The following PGK2 variants were observed in gnomAD, a reference collection of about 807,000 sequenced individuals.
PGK2 encodes phosphoglycerate kinase 2, also known as epididymis secretory protein Li 272.
A neutral mutation model predicts 5.2 loss-of-function variants in PGK2; 5 were observed. The observed-to-expected ratio is 0.96, with a 90% confidence interval of 0.50 to 2.01. The LOEUF is 2.01. Among genes scored for constraint, PGK2 ranks in the 30% most tolerant of loss-of-function variants. The pLI is 0.01. For missense variants in PGK2, 588 were observed against 506.8 expected (o/e 1.16, Z -1.54); for synonymous variants, 210 against 182.6 (o/e 1.15, Z -1.21).
At position 49,786,870 on chromosome 6, in the gene PGK2, T is replaced by C; in HGVS notation, c.318A>G (p.Lys106=). 1.2e-6 allele frequency: 2 copies of C among 1,614,106 alleles called. No homozygotes were observed. Among genetic ancestry groups the C allele is most frequent in the Non-Finnish European group, 1.7e-6 (2 of 1,179,998 alleles). The change falls in exon 1 of 1, where the codon AAA becomes AAG. Residue 106 remains lysine (K), a synonymous_variant. Transcript: ENST00000304801. The part of the protein sequence containing the change: ...LKDCVGAEVE[K]ACANPAPGSV... ...AACCAGGAGCTGGGTTGGCACAGGC[T>C]TTCTCCACTTCTGCGCCTACACAGT...
rs1292572147 is a variant in PGK2, at chr6:49,786,356, C to T, written c.832G>A (p.Val278Ile). ...DIMAKAQKNG[V>I]RITFPVDFVT... ...AAATCAACAGGAAAAGTAATCCTTA[C>T]ACCATTCTTTTGTGCTTTGGCCATG... The change falls in exon 1 of 1, where the codon GTA (valine) becomes ATA (isoleucine). Residue 278 changes from valine to isoleucine, a missense_variant. Val to Ile is a conservative substitution (Grantham distance 29). Transcript: ENST00000304801. 2 of 1,614,154 alleles carry T rather than the reference C, an allele frequency of 1.2e-6. No individual in the cohort carries two copies. Among genetic ancestry groups the T allele is most frequent in the Non-Finnish European group, 1.7e-6 (2 of 1,180,014 alleles).
chr6:49,786,356 C>A lies in PGK2; in HGVS notation c.832G>T (p.Val278Leu). 6.2e-7 allele frequency: 1 copy of A among 1,614,154 alleles called. No homozygotes were observed. The highest frequency in any genetic ancestry group is 1.6e-4 in the Middle Eastern group (1 of 6,062). ...AAATCAACAGGAAAAGTAATCCTTA[C>A]ACCATTCTTTTGTGCTTTGGCCATG... ...DIMAKAQKNG[V>L]RITFPVDFVT... Residue 278 changes from valine (V) to leucine (L), a missense_variant, in exon 1 of 1, where the codon GTA becomes TTA. By Grantham distance (32) the Val-to-Leu change is conservative. Coordinates refer to ENST00000304801, the MANE Select transcript of PGK2 (RefSeq NM_138733.5).
rs2127460128 is a variant in PGK2 at position 49,787,199 on chromosome 6, A to G, written c.-12T>C. ...TTAGAAAGAGACATCTTGACAATAT[A>G]AAGACATAGGCTGACACCTGGATCT... On this transcript the variant is annotated 5_prime_UTR_variant, in exon 1 of 1. Coordinates refer to ENST00000304801, the MANE Select transcript of PGK2 (RefSeq NM_138733.5). 1 of 1,601,284 alleles carries G rather than the reference A, an allele frequency of 6.2e-7. No individual in the cohort carries two copies. Among genetic ancestry groups the G allele is most frequent in the South Asian group, 1.1e-5 (1 of 89,298 alleles).
Position 49,786,449 on chromosome 6 carries a change from C to G in PGK2, c.739G>C (p.Val247Leu), listed in dbSNP as rs1376227054. 1.2e-6 allele frequency: 2 copies of G among 1,614,126 alleles called. No individual in the cohort carries two copies. Among genetic ancestry groups the G allele is most frequent in the Non-Finnish European group, 1.7e-6 (2 of 1,180,014 alleles). ...GGGMAYTFLK[V>L]LNNMEIGASL... is the part of the protein sequence containing the mutation. ...GCACCAATCTCCATGTTGTTGAGTA[C>G]CTTAAGGAAGGTATAAGCCATTCCA... Residue 247 changes from valine (V) to leucine (L), a missense_variant, in exon 1 of 1, where the codon GTA becomes CTA. Transcript: ENST00000304801.
chr6:49,786,104 C>A lies in PGK2; in HGVS notation c.1084G>T (p.Ala362Ser), dbSNP rs1305547016. The stretch of plus-strand genomic sequence containing the variant: ...ACAGTGATGCAGCCCTTGGAAGTGG[C>A]TTTCACAATTTCATCCATGAGGGCT... Reference protein sequence around the residue: ...TKALMDEIVKATSKGCITVIG... With the variant: ...TKALMDEIVKSTSKGCITVIG... Residue 362 changes from alanine (A) to serine (S), a missense_variant, in exon 1 of 1, where the codon GCC (alanine) becomes TCC (serine). Transcript: ENST00000304801. 1.2e-6 allele frequency: 2 copies of A among 1,613,970 alleles called. No homozygotes were observed. The highest frequency in any genetic ancestry group is 1.7e-6 in the Non-Finnish European group (2 of 1,180,006).
chr6:49,787,166 T>A lies in PGK2; in HGVS notation c.22A>T (p.Thr8Ser). Residue 8 changes from threonine to serine, a missense_variant, in exon 1 of 1, where the codon ACT becomes TCT. Physicochemically the swap from Thr to Ser is moderately conservative, Grantham distance 58. Coordinates refer to ENST00000304801, the MANE Select transcript of PGK2 (RefSeq NM_138733.5). MSLSKKL[T>S]LDKLDVRGKR... ...CCTCTAACATCCAGTTTGTCTAAAGTCAACTTCTTAGAAAGAGACATCTTG... is the reference window on the plus strand; with the variant it reads ...CCTCTAACATCCAGTTTGTCTAAAGACAACTTCTTAGAAAGAGACATCTTG... 1.9e-6 allele frequency: 3 copies of A among 1,612,948 alleles called. No individual in the cohort carries two copies. Among genetic ancestry groups the A allele is most frequent in the Non-Finnish European group, 2.5e-6 (3 of 1,179,174 alleles).
In PGK2 at chr6:49,787,276, T is replaced by C. The variant is rs376801041; in HGVS notation, c.-89A>G. The C allele has an allele frequency of 4.0e-5, 36 of 907,092 alleles. No individual in the cohort carries two copies. In the South Asian group the frequency reaches 5.4e-4, roughly 14 times the overall value. 56.2% of individuals were successfully genotyped at this position (907,092 alleles called of 1,614,324 possible). On this transcript the variant is annotated 5_prime_UTR_variant, in exon 1 of 1. Coordinates refer to ENST00000304801, the MANE Select transcript of PGK2 (RefSeq NM_138733.5). ...GAGGGGCTGGGTCGGTGGTGACTTC[T>C]AACGCCTTTGCCCTTGTCCCGCCCC...
At position 49,786,806 on chromosome 6, in the gene PGK2, C is replaced by G. The variant is rs200263127; in HGVS notation, c.382G>C (p.Glu128Gln). 4.3e-6 allele frequency: 7 copies of G among 1,614,026 alleles called. No homozygotes were observed. The highest frequency in any genetic ancestry group is 5.9e-6 in the Non-Finnish European group (7 of 1,180,020). Residue 128 changes from glutamate to glutamine, a missense_variant, in exon 1 of 1, where the codon GAA (glutamate) becomes CAA (glutamine). Coordinates refer to ENST00000304801, the MANE Select transcript of PGK2 (RefSeq NM_138733.5). ...LLENLRFHVE[E>Q]EGKGQDPSGK... ...GAGGGATCTTGGCCCTTCCCTTCTT[C>G]CTCCACATGAAAGCGCAGGTTCTCC... is the stretch of plus-strand genomic sequence containing the variant.
chr6:49,786,125 G>C lies in PGK2; in HGVS notation c.1063C>G (p.Leu355Val). The change falls in exon 1 of 1, where the codon CTC (leucine) becomes GTC (valine). Residue 355 changes from leucine to valine, a missense_variant. By Grantham distance (32) the Leu-to-Val change is conservative. Transcript: ENST00000304801. ...GTGGCTTTCACAATTTCATCCATGA[G>C]GGCTTTGGTTCCCTTAGCAAAGGCA... ...WDAFAKGTKA[L>V]MDEIVKATSK... The C allele has an allele frequency of 6.2e-7, 1 of 1,614,068 alleles. No homozygotes were observed. Among genetic ancestry groups the C allele is most frequent in the Non-Finnish European group, 8.5e-7 (1 of 1,180,000 alleles).
In PGK2 at chr6:49,786,901, A is replaced by G; in HGVS notation, c.287T>C (p.Leu96Pro). The change falls in exon 1 of 1, where the codon CTG becomes CCG. Residue 96 changes from leucine (L) to proline (P), a missense_variant. By Grantham distance (98) the Leu-to-Pro change is moderately conservative. Transcript: ENST00000304801. ...CACTTCTGCGCCTACACAGTCCTTCAGGAACAGAACATCCTTGCCCAGCAA... is the reference window on the plus strand; with the variant it reads ...CACTTCTGCGCCTACACAGTCCTTCGGGAACAGAACATCCTTGCCCAGCAA... ...KSLLGKDVLF[L>P]KDCVGAEVEK... 1 of 1,614,138 alleles carries G rather than the reference A, an allele frequency of 6.2e-7. No homozygotes were observed. The highest frequency in any genetic ancestry group is 8.5e-7 in the Non-Finnish European group (1 of 1,180,010).
rs775075367 is a variant in PGK2, at chr6:49,787,075, T to C, written c.113A>G (p.Gln38Arg). The C allele has an allele frequency of 6.2e-7, 1 of 1,614,008 alleles. No homozygotes were observed. Among genetic ancestry groups the C allele is most frequent in the Non-Finnish European group, 8.5e-7 (1 of 1,180,010 alleles). ...GCTTGGGATGGAAGCCTTGATCCTCTGGTTGTTTGTAATCTGGTTCTTCTT... is the reference window on the plus strand; with the variant it reads ...GCTTGGGATGGAAGCCTTGATCCTCCGGTTGTTTGTAATCTGGTTCTTCTT... ...PMKKNQITNN[Q>R]RIKASIPSIK... The change falls in exon 1 of 1, where the codon CAG (glutamine) becomes CGG (arginine). Residue 38 changes from glutamine (Q) to arginine (R), a missense_variant. By Grantham distance (43) the Gln-to-Arg change is conservative (BLOSUM62 1). Transcript: ENST00000304801.
At position 49,786,469 on chromosome 6, in the gene PGK2, AT is replaced by A; in HGVS notation, c.718del (p.Met240TrpfsTer39). 1 of 1,614,174 alleles carries A rather than the reference AT, an allele frequency of 6.2e-7. No individual in the cohort carries two copies. ...KVNEMIIGGG[M>X]AYTFLKVLNN... Reference sequence around the variant, plus strand: ...GAGTACCTTAAGGAAGGTATAAGCCATTCCACCACCAATAATCATCTCATTG... The same window carrying A: ...GAGTACCTTAAGGAAGGTATAAGCCATCCACCACCAATAATCATCTCATTG... On this transcript the variant is annotated frameshift_variant, in exon 1 of 1. Coordinates refer to ENST00000304801, the MANE Select transcript of PGK2 (RefSeq NM_138733.5). LOFTEE classifies it low-confidence loss of function (END_TRUNC).
Position 49,785,922 on chromosome 6 carries a change from A to ACAC in PGK2, c.*9_*11dup. On this transcript the variant is annotated 3_prime_UTR_variant, in exon 1 of 1. Transcript: ENST00000304801. Reference sequence around the variant, plus strand: ...CATGGACAGAAAACAGAAGGAAGTAACACTATATTAACTACATGTTGCTGA... The same window carrying ACAC: ...CATGGACAGAAAACAGAAGGAAGTAACACCACTATATTAACTACATGTTGCTGA... The ACAC allele has an allele frequency of 3.7e-6, 6 of 1,608,462 alleles. No individual in the cohort carries two copies. Among genetic ancestry groups the ACAC allele is most frequent in the Non-Finnish European group, 5.1e-6 (6 of 1,175,760 alleles).
Position 49,786,172 on chromosome 6 carries a change from G to T in PGK2, c.1016C>A (p.Pro339Gln). ...GGCATCCCATTCAAATACTCCTAAC[G>T]GCCCATTCCAAACAATTAGCCTTGC... ...AQARLIVWNG[P>Q]LGVFEWDAFA... is the part of the protein sequence containing the mutation. The change falls in exon 1 of 1, where the codon CCG becomes CAG. Residue 339 changes from proline (P) to glutamine (Q), a missense_variant. Coordinates refer to ENST00000304801, the MANE Select transcript of PGK2 (RefSeq NM_138733.5). The T allele has an allele frequency of 6.2e-7, 1 of 1,613,980 alleles. No homozygotes were observed. The highest frequency in any genetic ancestry group is 1.1e-5 in the South Asian group (1 of 91,076).
At position 49,786,675 on chromosome 6, in the gene PGK2, G is replaced by A. The variant is rs147140024; in HGVS notation, c.513C>T (p.Arg171=). Reference sequence around the variant, plus strand: ...TCACTCCCACCATGGAACTATGAGCGCGGTGTGCAGTGCCAAAAGCATCAT... The same window carrying A: ...TCACTCCCACCATGGAACTATGAGCACGGTGTGCAGTGCCAAAAGCATCAT... ...YVNDAFGTAH[R]AHSSMVGVNL... The change falls in exon 1 of 1, where the codon CGC becomes CGT. Residue 171 remains arginine, a synonymous_variant. Transcript: ENST00000304801. 3.3e-5 allele frequency: 53 copies of A among 1,613,976 alleles called. No individual in the cohort carries two copies. Among genetic ancestry groups the A allele is most frequent in the East Asian group, 6.7e-5 (3 of 44,876 alleles).
In PGK2 at chr6:49,786,097, G is replaced by C. The variant is rs750122364; in HGVS notation, c.1091C>G (p.Ser364Cys). The change falls in exon 1 of 1, where the codon TCC becomes TGC. Residue 364 changes from serine to cysteine, a missense_variant. By Grantham distance (112) the Ser-to-Cys change is moderately radical. Coordinates refer to ENST00000304801, the MANE Select transcript of PGK2 (RefSeq NM_138733.5). ...ALMDEIVKAT[S>C]KGCITVIGGG... is the part of the protein sequence containing the mutation. ...CCCTATAACAGTGATGCAGCCCTTG[G>C]AAGTGGCTTTCACAATTTCATCCAT... 3 of 1,614,100 alleles carry C rather than the reference G, an allele frequency of 1.9e-6. No homozygotes were observed. The South Asian group carries it at 3.3e-5, about 18-fold the overall frequency.
chr6:49,786,778 C>G lies in PGK2; in HGVS notation c.410G>C (p.Gly137Ala), dbSNP rs772350179. Reference protein sequence around the residue: ...EEEGKGQDPSGKKIKAEPDKI... With the variant: ...EEEGKGQDPSAKKIKAEPDKI... Reference sequence around the variant, plus strand: ...ATCTGGCTCAGCTTTAATCTTCTTTCCAGAGGGATCTTGGCCCTTCCCTTC... The same window carrying G: ...ATCTGGCTCAGCTTTAATCTTCTTTGCAGAGGGATCTTGGCCCTTCCCTTC... The change falls in exon 1 of 1, where the codon GGA becomes GCA. Residue 137 changes from glycine (G) to alanine (A), a missense_variant. Gly to Ala is a moderately conservative substitution (Grantham distance 60). Coordinates refer to ENST00000304801, the MANE Select transcript of PGK2 (RefSeq NM_138733.5). 9 of 1,613,956 alleles carry G rather than the reference C, an allele frequency of 5.6e-6. No individual in the cohort carries two copies. The highest frequency in any genetic ancestry group is 7.6e-6 in the Non-Finnish European group (9 of 1,180,026).
In PGK2 at chr6:49,786,771, C is replaced by A; in HGVS notation, c.417G>T (p.Lys139Asn). Residue 139 changes from lysine to asparagine, a missense_variant, in exon 1 of 1, where the codon AAG becomes AAT. Lys to Asn is a moderately conservative substitution (Grantham distance 94). Coordinates refer to ENST00000304801, the MANE Select transcript of PGK2 (RefSeq NM_138733.5). ...EGKGQDPSGK[K>N]IKAEPDKIEA... ...CTATTTTATCTGGCTCAGCTTTAAT[C>A]TTCTTTCCAGAGGGATCTTGGCCCT... The A allele has an allele frequency of 1.9e-6, 3 of 1,614,118 alleles. No homozygotes were observed. The highest frequency in any genetic ancestry group is 2.5e-6 in the Non-Finnish European group (3 of 1,180,016).
chr6:49,786,428 C>T lies in PGK2; in HGVS notation c.760G>A (p.Gly254Ser). 6.2e-7 allele frequency: 1 copy of T among 1,614,100 alleles called. No individual in the cohort carries two copies. Among genetic ancestry groups the T allele is most frequent in the Middle Eastern group, 1.6e-4 (1 of 6,062 alleles). Residue 254 changes from glycine (G) to serine (S), a missense_variant, in exon 1 of 1, where the codon GGT becomes AGT. Coordinates refer to ENST00000304801, the MANE Select transcript of PGK2 (RefSeq NM_138733.5). ...CCCTCTTCATCAAACAGGGAAGCAC[C>T]AATCTCCATGTTGTTGAGTACCTTA... ...FLKVLNNMEI[G>S]ASLFDEEGAK...
Sources: allele counts gnomAD v4.1 joint callset, GRCh38; gene constraint gnomAD v4.1.1; transcripts MANE v1.5; gene names NCBI Gene and HGNC (gene_info 2026-07-23, HGNC 2026-07-21).